SERPINB10: variants seen among roughly 807,000 people sequenced by gnomAD.
SERPINB10 encodes serpin B10.
In SERPINB10, 35 loss-of-function variants were observed where a neutral mutation model predicts 39.1. The ratio of observed to expected loss-of-function variants is 0.90; its 90% confidence interval spans 0.68 to 1.19. SERPINB10 has a LOEUF of 1.19. SERPINB10 is among the 50% of genes most tolerant of loss of function. SERPINB10 has a pLI of 0.00. For synonymous variants in SERPINB10, 190 were observed against 158.1 expected (o/e 1.20, Z -1.52); for missense variants, 546 against 460.5 (o/e 1.19, Z -1.70).
chr18:63,935,536 G>A lies in SERPINB10; in HGVS notation c.*294G>A. On this transcript the variant is annotated 3_prime_UTR_variant, in exon 8 of 8. Coordinates refer to ENST00000238508, the MANE Select transcript of SERPINB10 (RefSeq NM_005024.3). The stretch of plus-strand genomic sequence containing the variant: ...AATGCCTTACAATTCTTGATCACTT[G>A]CAATATCCATGATACTTGTTATCAT... 3.5e-6 allele frequency: 1 copy of A among 285,526 alleles called. No homozygotes were observed. Among genetic ancestry groups the A allele is most frequent in the Non-Finnish European group, 6.5e-6 (1 of 154,454 alleles). The allele number at this position is 285,526 out of a possible 1,614,324, so 17.7% of individuals were successfully genotyped here.
At chr18:63,930,783 C>T (rs2144738163) in intron 6 of SERPINB10, among the ~76,000 whole-genome samples, 1 of 152,126 alleles carries the variant, frequency 6.6e-6, no homozygotes, top group East Asian at 1.9e-4. Context: ...ACTTTCTCTG[C>T]TTCCCAGTTC....
intron 2 of SERPINB10, among the ~76,000 whole-genome samples, chr18:63,916,801 CCT>C (rs1347569029): frequency 6.6e-6 from 1 of 151,936 alleles, no homozygotes; most frequent in Non-Finnish European, 1.5e-5. Flanking sequence ...GGCAGGTGGC[CCT>C]TGTTCTGTTA....
intron 3 of SERPINB10, 100 bp from the exon 4 acceptor site, chr18:63,917,865 T>A (rs1599079353): frequency 1.8e-6 from 2 of 1,081,912 alleles, no homozygotes; most frequent in Non-Finnish European, 2.7e-6. Context: ...TTTCAACTTT[T>A]GTTTGCAATT....
chr18:63,913,839 A>G (rs1269512314), intron 1 of SERPINB10, among the ~76,000 whole-genome samples: 1 of 152,006 alleles, frequency 6.6e-6, no homozygotes. Context: ...GATCTGTCTA[A>G]TGCTGTCAAT....
intron 5 of SERPINB10, among the ~76,000 whole-genome samples, chr18:63,926,131 G>A (rs1424485438): frequency 2.6e-5 from 4 of 152,044 alleles, no homozygotes; most frequent in Non-Finnish European, 5.9e-5. Context: ...CAGCAAGGCT[G>A]TGCTCTCTCT....
intron 6 of SERPINB10, 73 bp from the exon 7 acceptor site, chr18:63,932,975 A>G: frequency 7.3e-7 from 1 of 1,378,108 alleles, no homozygotes; most frequent in Non-Finnish European, 1.0e-6. Flanking sequence ...ATGATGGTAG[A>G]GAATTAAGGA....
In SERPINB10 at chr18:63,935,893, C is replaced by CA. The variant is rs1370083107; in HGVS notation, c.*652dup. On this transcript the variant is annotated 3_prime_UTR_variant, in exon 8 of 8. Coordinates refer to ENST00000238508, the MANE Select transcript of SERPINB10 (RefSeq NM_005024.3). The stretch of plus-strand genomic sequence containing the variant: ...GCTATTTAAAAAATACTTATATTGA[C>CA]ATTAGCTTAAAAAACTAGTGAAATC... 1 of 152,172 alleles carries CA rather than the reference C, an allele frequency of 6.6e-6. No individual in the cohort carries two copies. Among genetic ancestry groups the CA allele is most frequent in the African/African-American group, 2.4e-5 (1 of 41,442 alleles). The allele number at this position is 152,172 out of a possible 1,614,324, so 9.4% of individuals were successfully genotyped here. A position where few individuals can be genotyped will look rare whatever the true frequency, so the allele number is the denominator to read the frequency against.
intron 5 of SERPINB10, among the ~76,000 whole-genome samples, chr18:63,925,213 T>C (rs914386578): frequency 2.6e-5 from 4 of 151,976 alleles, no homozygotes; most frequent in Non-Finnish European, 5.9e-5. Context: ...GTCTTCAATA[T>C]ATATGCAGAA....
At chr18:63,928,318 G>C (rs1218710036) in intron 5 of SERPINB10, among the ~76,000 whole-genome samples, 2 of 152,004 alleles carry the variant, frequency 1.3e-5, no homozygotes, top group South Asian at 2.1e-4. Context: ...TGTGCCTCTA[G>C]AGCAAACCTA....
Position 63,935,127 on chromosome 18 carries a change from A to G in SERPINB10, c.1079A>G (p.Asp360Gly), listed in dbSNP as rs755179761. 2.5e-6 allele frequency: 4 copies of G among 1,613,800 alleles called. No individual in the cohort carries two copies. In the South Asian group the frequency reaches 3.3e-5, roughly 13 times the overall value. Residue 360 changes from aspartate to glycine, a missense_variant, in exon 8 of 8, where the codon GAT becomes GGT. Asp to Gly is a moderately conservative substitution (Grantham distance 94). Transcript: ENST00000238508. ...EAAAGSGSEIDIRIRVPSIEF... is the reference protein window; with the variant it reads ...EAAAGSGSEIGIRIRVPSIEF... ...GCAGCTGGCAGTGGGAGTGAGATAG[A>G]TATACGAATTAGAGTCCCATCCATT...
intron 5 of SERPINB10, among the ~76,000 whole-genome samples, chr18:63,925,961 C>A (rs1233380135): frequency 6.6e-6 from 1 of 152,014 alleles, no homozygotes; most frequent in East Asian, 1.9e-4. Flanking sequence ...GGGCATCATG[C>A]ACTTCCTTAC....
intron 2 of SERPINB10, 79 bp downstream of exon 2, chr18:63,915,757 G>T: frequency 1.6e-6 from 2 of 1,227,258 alleles, no homozygotes; most frequent in South Asian, 3.2e-5. Context: ...GTTTTCTCTT[G>T]ACAACTCAAT....
rs117245615 is a variant in SERPINB10 at position 63,912,315 on chromosome 18, C to T, written c.-9-3187C>T. Among the ~76,000 whole-genome samples the T allele has an allele frequency of 2.7e-3, 412 of 152,042 alleles. 12 individuals are homozygous for T. The East Asian group carries it at 0.064, about 24-fold the overall frequency. On this transcript the variant is annotated intron_variant, in intron 1 of 7. Coordinates refer to ENST00000238508, the MANE Select transcript of SERPINB10 (RefSeq NM_005024.3). ...ATTGCTCTGGCCAGGACTTCTAGTA[C>T]TATGTTGAATAGGAGTGGTAAAGAG... is the stretch of plus-strand genomic sequence containing the variant.
At chr18:63,914,575 T>G (rs1326223747) in intron 1 of SERPINB10, among the ~76,000 whole-genome samples, 1 of 152,038 alleles carries the variant, frequency 6.6e-6, no homozygotes, top group African/African-American at 2.4e-5. Context: ...ATTAAAATAT[T>G]ATGGTATTGC....
intron 1 of SERPINB10, among the ~76,000 whole-genome samples, chr18:63,913,845 T>A (rs565261028): frequency 6.6e-6 from 1 of 152,104 alleles, no homozygotes; most frequent in Non-Finnish European, 1.5e-5. Context: ...TCTAATGCTG[T>A]CAATGGGGTG....
At chr18:63,920,371 C>T (rs1050371634) in intron 5 of SERPINB10, among the ~76,000 whole-genome samples, 1 of 151,872 alleles carries the variant, frequency 6.6e-6, no homozygotes, top group East Asian at 1.9e-4. Flanking sequence ...AATATAGTGG[C>T]TTAATAAGAC....
intron 2 of SERPINB10, 45 bp downstream of exon 2, chr18:63,915,723 T>C (rs752059664): frequency 1.3e-6 from 2 of 1,484,020 alleles, no homozygotes; most frequent in South Asian, 2.6e-5. Context: ...GTAAGCTAAG[T>C]GCTTTCATTG....
intron 5 of SERPINB10, among the ~76,000 whole-genome samples, chr18:63,925,365 T>C (rs562336129): frequency 3.7e-4 from 57 of 152,118 alleles, no homozygotes; most frequent in African/African-American, 1.3e-3. Context: ...TCTTGATTTC[T>C]AAACTCCTTC....
At chr18:63,913,737 T>C (rs1337565471) in intron 1 of SERPINB10, among the ~76,000 whole-genome samples, 3 of 152,090 alleles carry the variant, frequency 2.0e-5, no homozygotes, top group African/African-American at 4.8e-5. Flanking sequence ...GAGAAGAATG[T>C]ATATTTTGTG....
Sources: allele counts gnomAD v4.1 joint callset (sites outside exome capture counted in the v4.1 genomes callset), GRCh38; gene constraint gnomAD v4.1.1; transcripts MANE v1.5; gene names NCBI Gene and HGNC (gene_info 2026-07-23, HGNC 2026-07-21).